Variants in ZNF660 observed in about 807,000 individuals in gnomAD.
The protein encoded by ZNF660 is zinc finger protein 660.
A neutral mutation model predicts 23.2 loss-of-function variants in ZNF660; 24 were observed. The observed-to-expected ratio is 1.04, with a 90% CI of 0.75 to 1.46. The LOEUF is 1.46. Ranked by LOEUF, ZNF660 falls within the 40% of genes most tolerant of loss-of-function variation. The pLI is 0.00. For missense variants in ZNF660, 373 were observed against 396.8 expected, an observed-to-expected ratio of 0.94 and a Z score of 0.51; for synonymous variants, 117 against 131.4, an observed-to-expected ratio of 0.89 and a Z score of 0.75.
Position 44,593,206 on chromosome 3 carries a change from G to A in ZNF660, c.-180-808G>A, listed in dbSNP as rs142612020. Reference sequence around the variant, plus strand: ...GACTGGGGTCTAGTACCTGGACCTTGAGCAAAAGATGAAATCCTACTCACA... The same window carrying A: ...GACTGGGGTCTAGTACCTGGACCTTAAGCAAAAGATGAAATCCTACTCACA... On this transcript the variant is annotated intron_variant, in intron 2 of 2. Transcript: ENST00000322734. Among the ~76,000 whole-genome samples, 731 of 152,296 alleles carry A rather than the reference G, an allele frequency of 4.8e-3. 10 individuals carry two copies. Among genetic ancestry groups the A allele is most frequent in the African/African-American group, 0.017 (694 of 41,550 alleles).
At chr3:44,587,488 C>T (rs1700265813) in intron 2 of ZNF660, among the ~76,000 whole-genome samples, 1 of 152,136 alleles carries the variant, frequency 6.6e-6, no homozygotes, top group Non-Finnish European at 1.5e-5. Flanking sequence ...CTCATGTTTC[C>T]CTCCAAACTT....
At chr3:44,587,700 G>A (rs544645436) in intron 2 of ZNF660, among the ~76,000 whole-genome samples, 3 of 152,256 alleles carry the variant, frequency 2.0e-5, no homozygotes, top group African/African-American at 7.2e-5. Context: ...ACAGTGCATC[G>A]CTGTGCATTT....
intron 2 of ZNF660, among the ~76,000 whole-genome samples, chr3:44,590,490 C>T: frequency 6.6e-6 from 1 of 152,136 alleles, no homozygotes; most frequent in East Asian, 1.9e-4. Context: ...ACCCTTATGA[C>T]CTCATTTAAC....
At chr3:44,586,019 G>A (rs1700217109) in intron 1 of ZNF660, 86 bp from the exon 2 acceptor site, 1 of 152,134 alleles carries the variant, frequency 6.6e-6, no homozygotes, top group African/African-American at 2.4e-5. Flanking sequence ...TATAGGAAGG[G>A]AAGTTACCCA....
chr3:44,585,262 C>G (rs941137445), intron 1 of ZNF660, among the ~76,000 whole-genome samples: 4 of 152,196 alleles, frequency 2.6e-5, no homozygotes, highest in African/African-American at 4.8e-5. Flanking sequence ...CGTCCCCGCT[C>G]CTAGGCAGTG....
rs1416004885 is a variant in ZNF660, at chr3:44,598,533, A to T, written c.*3344A>T. On this transcript the variant is annotated 3_prime_UTR_variant, in exon 3 of 3. Transcript: ENST00000322734. Reference sequence around the variant, plus strand: ...CCAGGCTGGAGTGCAATGGCGTGATATCGGCTCACTGCAACCTCTGCCTCC... The same window carrying T: ...CCAGGCTGGAGTGCAATGGCGTGATTTCGGCTCACTGCAACCTCTGCCTCC... The T allele has an allele frequency of 6.6e-6, 1 of 151,122 alleles. No homozygotes were observed. Among genetic ancestry groups the T allele is most frequent in the Non-Finnish European group, 1.5e-5 (1 of 67,960 alleles). The allele number at this position is 151,122 out of a possible 1,614,324, so 9.4% of individuals were successfully genotyped here. A position where few individuals can be genotyped will look rare whatever the true frequency, so the allele number is the denominator to read the frequency against.
chr3:44,593,065 A>C (rs1193087717), intron 2 of ZNF660, among the ~76,000 whole-genome samples: 1 of 152,014 alleles, frequency 6.6e-6, no homozygotes, highest in African/African-American at 2.4e-5. Flanking sequence ...AAAAAAAAAA[A>C]AAACTGGGTC....
chr3:44,592,696 G>C (rs970293260), intron 2 of ZNF660, among the ~76,000 whole-genome samples: 1 of 152,132 alleles, frequency 6.6e-6, no homozygotes, highest in African/African-American at 2.4e-5. Flanking sequence ...CACCCCTTAA[G>C]TAGTCTCAGT....
Position 44,599,326 on chromosome 3 carries a change from G to C in ZNF660, c.*4137G>C, listed in dbSNP as rs1009492819. The C allele has an allele frequency of 6.6e-6, 1 of 152,210 alleles. No individual in the cohort carries two copies. The highest frequency in any genetic ancestry group is 2.4e-5 in the African/African-American group (1 of 41,440). The allele number at this position is 152,210 out of a possible 1,614,324, so 9.4% of individuals were successfully genotyped here. ...TACGTAAGACAAAGAATTCTGCTTAGAGAGGAAAGTGTCGCCCTGGACTTA... is the reference window on the plus strand; with the variant it reads ...TACGTAAGACAAAGAATTCTGCTTACAGAGGAAAGTGTCGCCCTGGACTTA... On this transcript the variant is annotated 3_prime_UTR_variant, in exon 3 of 3. Transcript: ENST00000322734.
At position 44,594,202 on chromosome 3, in the gene ZNF660, A is replaced by G; in HGVS notation, c.9A>G (p.Arg3=). MR[R]KTRNFKHKTV... ...GTTCCAAGCAGGAGAAAATGAGGAG[A>G]AAGACAAGAAATTTCAAACATAAGA... Residue 3 remains arginine (R), a synonymous_variant, in exon 3 of 3, where the codon AGA becomes AGG. Transcript: ENST00000322734. 1 of 1,613,194 alleles carries G rather than the reference A, an allele frequency of 6.2e-7. No individual in the cohort carries two copies. The highest frequency in any genetic ancestry group is 1.1e-5 in the South Asian group (1 of 91,020).
intron 2 of ZNF660, among the ~76,000 whole-genome samples, chr3:44,592,017 G>A (rs547530455): frequency 2.0e-5 from 3 of 152,224 alleles, no homozygotes; most frequent in South Asian, 2.1e-4. Flanking sequence ...AAAAAAATTT[G>A]TGAGGCAGGG....
In ZNF660 at chr3:44,598,670, G is replaced by C. The variant is rs1160103725; in HGVS notation, c.*3481G>C. 6.6e-6 allele frequency: 1 copy of C among 152,194 alleles called. No homozygotes were observed. Among genetic ancestry groups the C allele is most frequent in the Non-Finnish European group, 1.5e-5 (1 of 68,048 alleles). 9.4% of individuals were successfully genotyped at this position (152,194 alleles called of 1,614,324 possible). On this transcript the variant is annotated 3_prime_UTR_variant, in exon 3 of 3. Coordinates refer to ENST00000322734, the MANE Select transcript of ZNF660 (RefSeq NM_173658.4). ...TTTAGTAGAGACGAGGTTTTGCCAT[G>C]TTGGTCAGGCTGGTCTTGAATGAAT...
At position 44,594,787 on chromosome 3, in the gene ZNF660, ATG is replaced by A; in HGVS notation, c.597_598del (p.Cys199TrpfsTer3). ...ACAAATGTAAGGAGTGTGGGAAAAC[ATG>A]TGGTTCTAATACAAAGATTATGGAC... The part of the protein sequence containing the change: ...VYKCKECGKT[C>X]GSNTKIMDHQ... On this transcript the variant is annotated frameshift_variant, in exon 3 of 3. Coordinates refer to ENST00000322734, the MANE Select transcript of ZNF660 (RefSeq NM_173658.4). LOFTEE classifies it high-confidence loss of function. The A allele has an allele frequency of 4.4e-6, 7 of 1,592,386 alleles. No individual in the cohort carries two copies. Among genetic ancestry groups the A allele is most frequent in the Non-Finnish European group, 5.2e-6 (6 of 1,159,950 alleles).
intron 2 of ZNF660, among the ~76,000 whole-genome samples, chr3:44,588,639 A>T (rs1032485340): frequency 2.0e-5 from 3 of 152,034 alleles, no homozygotes; most frequent in Admixed American, 1.3e-4. Flanking sequence ...GACCACAGGC[A>T]TATGCCACCA....
rs552732245 is a variant in ZNF660 at position 44,594,786 on chromosome 3, CAT to C, written c.594_595del (p.Cys199TrpfsTer3). The C allele has an allele frequency of 6.8e-3, 10,906 of 1,614,112 alleles. 48 individuals carry two copies. The highest frequency in any genetic ancestry group is 8.5e-3 in the Non-Finnish European group (10,080 of 1,180,020). ...TACAAATGTAAGGAGTGTGGGAAAA[CAT>C]GTGGTTCTAATACAAAGATTATGGA... On this transcript the variant is annotated frameshift_variant, in exon 3 of 3. Transcript: ENST00000322734. LOFTEE classifies it high-confidence loss of function.
At chr3:44,587,886 T>C (rs535116750) in intron 2 of ZNF660, among the ~76,000 whole-genome samples, 19 of 152,264 alleles carry the variant, frequency 1.2e-4, no homozygotes, top group African/African-American at 4.3e-4. Context: ...AAACCCCATC[T>C]CTACTAAAAA....
chr3:44,594,861 G>A lies in ZNF660; in HGVS notation c.668G>A (p.Cys223Tyr). ...TGEKPYECDECGKTFILRKTL... is the reference protein window; with the variant it reads ...TGEKPYECDEYGKTFILRKTL... ...GAGAAGCCTTATGAATGTGATGAGTGTGGAAAAACTTTCATCTTAAGGAAA... is the reference window on the plus strand; with the variant it reads ...GAGAAGCCTTATGAATGTGATGAGTATGGAAAAACTTTCATCTTAAGGAAA... Residue 223 changes from cysteine to tyrosine, a missense_variant, in exon 3 of 3, where the codon TGT becomes TAT. Coordinates refer to ENST00000322734, the MANE Select transcript of ZNF660 (RefSeq NM_173658.4). The A allele has an allele frequency of 2.5e-6, 4 of 1,614,146 alleles. No homozygotes were observed. The highest frequency in any genetic ancestry group is 3.4e-6 in the Non-Finnish European group (4 of 1,180,026).
chr3:44,596,608 A>ACTT lies in ZNF660; in HGVS notation c.*1422_*1424dup. The ACTT allele has an allele frequency of 6.6e-6, 1 of 152,278 alleles. No individual in the cohort carries two copies. Among genetic ancestry groups the ACTT allele is most frequent in the Non-Finnish European group, 1.5e-5 (1 of 68,032 alleles). 9.4% of individuals were successfully genotyped at this position (152,278 alleles called of 1,614,324 possible). ...GTTTGGCAACTCAGCACTTCATCAC[A>ACTT]CTTCTCTCTTAACTCCATAATTTTC... is the stretch of plus-strand genomic sequence containing the variant. On this transcript the variant is annotated 3_prime_UTR_variant, in exon 3 of 3. Coordinates refer to ENST00000322734, the MANE Select transcript of ZNF660 (RefSeq NM_173658.4).
rs148990451 is a variant in ZNF660 at position 44,595,708 on chromosome 3, A to C, written c.*519A>C. 6.0e-6 allele frequency: 1 copy of C among 167,522 alleles called. No individual in the cohort carries two copies. The highest frequency in any genetic ancestry group is 1.5e-5 in the Non-Finnish European group (1 of 68,454). The allele number at this position is 167,522 out of a possible 1,614,324, so 10.4% of individuals were successfully genotyped here. A position where few individuals can be genotyped will look rare whatever the true frequency, so the allele number is the denominator to read the frequency against. On this transcript the variant is annotated 3_prime_UTR_variant, in exon 3 of 3. Coordinates refer to ENST00000322734, the MANE Select transcript of ZNF660 (RefSeq NM_173658.4). ...AAAAAGCACAGTATTTTTTAAATGC[A>C]ATGAAGACGTGCTTATTTTCACTCA... is the stretch of plus-strand genomic sequence containing the variant.
Sources: allele counts gnomAD v4.1 joint callset (sites outside exome capture counted in the v4.1 genomes callset), GRCh38; gene constraint gnomAD v4.1.1; transcripts MANE v1.5; gene names NCBI Gene and HGNC (gene_info 2026-07-23, HGNC 2026-07-21).